Variants in PRKCE observed in about 807,000 individuals in gnomAD.
PRKCE encodes protein kinase C epsilon type.
In PRKCE, 16 loss-of-function variants were observed where a neutral mutation model predicts 85.4. The ratio of observed to expected loss-of-function variants is 0.19; its 90% CI spans 0.13 to 0.28. The LOEUF is 0.28. PRKCE is among the 10% of genes least tolerant of loss of function. The pLI, the probability that PRKCE is intolerant of heterozygous loss-of-function variation, is 1.00. For missense variants in PRKCE, 573 were observed against 975.2 expected (o/e 0.59, Z 5.49); for synonymous variants, 388 against 371.5 (o/e 1.04, Z -0.51).
At chr2:46,023,089 CAAAAAA>C (rs397984467) in intron 10 of PRKCE, among the ~76,000 whole-genome samples, 1 of 71,494 alleles carries the variant, frequency 1.4e-5, no homozygotes, top group Non-Finnish European at 2.5e-5. Flanking sequence ...GACTCCGTCT[CAAAAAA>C]AAAAAAAAAA....
chr2:45,684,048 G>T (rs1677100187), intron 1 of PRKCE, among the ~76,000 whole-genome samples: 1 of 152,172 alleles, frequency 6.6e-6, no homozygotes, highest in African/African-American at 2.4e-5. Flanking sequence ...GGTGTTTGCT[G>T]GTAGGAGGGA....
chr2:46,037,783 C>T (rs1471568747), intron 10 of PRKCE, among the ~76,000 whole-genome samples: 3 of 152,124 alleles, frequency 2.0e-5, no homozygotes, highest in Non-Finnish European at 4.4e-5. Context: ...CTTTGAGAGT[C>T]AGGAAGAAAG....
chr2:45,845,061 C>CTTTT lies in PRKCE; in HGVS notation c.412+2013_412+2016dup, dbSNP rs531961588. ...CTGAAGAAAAGAAGACATTTTTCTA[C>CTTTT]TTTTTTTTTTTTTTTTTTAAATTGC... On this transcript the variant is annotated intron_variant, in intron 2 of 14. Coordinates refer to ENST00000306156, the MANE Select transcript of PRKCE (RefSeq NM_005400.3). Among the ~76,000 whole-genome samples the CTTTT allele has an allele frequency of 1.1e-4, 15 of 137,376 alleles. 1 individual carries two copies. The East Asian group carries it at 2.9e-3, about 27-fold the overall frequency. 90.1% of individuals were successfully genotyped at this position (137,376 alleles called of 152,430 possible).
At chr2:46,010,103 A>G (rs1023084796) in intron 9 of PRKCE, among the ~76,000 whole-genome samples, 2 of 152,356 alleles carry the variant, frequency 1.3e-5, no homozygotes, top group East Asian at 1.9e-4. Context: ...AACATTATGT[A>G]TACATCTTGA....
At chr2:46,150,161 C>T (rs1012797276) in intron 12 of PRKCE, among the ~76,000 whole-genome samples, 1 of 152,146 alleles carries the variant, frequency 6.6e-6, no homozygotes, top group Admixed American at 6.5e-5. Context: ...GAAAAGATGT[C>T]TTGTATTCAG....
At chr2:45,874,450 C>T (rs1694323786) in intron 2 of PRKCE, among the ~76,000 whole-genome samples, 1 of 152,224 alleles carries the variant, frequency 6.6e-6, no homozygotes, top group South Asian at 2.1e-4. Context: ...AGTGAGCTGC[C>T]AGCTACCAAG....
intron 11 of PRKCE, among the ~76,000 whole-genome samples, chr2:46,106,530 C>G (rs564606066): frequency 3.5e-4 from 53 of 152,318 alleles, no homozygotes; most frequent in African/African-American, 1.2e-3. Flanking sequence ...GTTCTGGAGG[C>G]TGGATGTTCA....
At chr2:45,765,705 T>C (rs889205659) in intron 1 of PRKCE, among the ~76,000 whole-genome samples, 1 of 152,208 alleles carries the variant, frequency 6.6e-6, no homozygotes, top group East Asian at 1.9e-4. Flanking sequence ...AACTCTGGAC[T>C]GTTGACCCCC....
At chr2:45,985,040 G>A (rs1378208254) in intron 6 of PRKCE, among the ~76,000 whole-genome samples, 1 of 152,132 alleles carries the variant, frequency 6.6e-6, no homozygotes, top group African/African-American at 2.4e-5. Flanking sequence ...GGAAGTGAGA[G>A]GTGTGAATTG....
intron 10 of PRKCE, among the ~76,000 whole-genome samples, chr2:46,011,638 G>A (rs765702014): frequency 4.6e-5 from 7 of 152,138 alleles, no homozygotes; most frequent in Admixed American, 2.6e-4. Flanking sequence ...CACTGCAAAC[G>A]TAACCTCTCT....
chr2:45,733,181 C>G (rs1280297084), intron 1 of PRKCE, among the ~76,000 whole-genome samples: 1 of 152,234 alleles, frequency 6.6e-6, no homozygotes, highest in Non-Finnish European at 1.5e-5. Context: ...AGGTATCAGA[C>G]TGACTGCATG....
chr2:45,759,364 C>T (rs763993313), intron 1 of PRKCE, among the ~76,000 whole-genome samples: 1 of 152,142 alleles, frequency 6.6e-6, no homozygotes, highest in Non-Finnish European at 1.5e-5. Flanking sequence ...AGCTGACACA[C>T]GTGTGAGAGG....
At position 46,038,651 on chromosome 2, in the gene PRKCE, TCACACACACACACACA is replaced by T. The variant is rs3222422; in HGVS notation, c.1437+28171_1437+28186del. On this transcript the variant is annotated intron_variant, in intron 10 of 14. Transcript: ENST00000306156. The stretch of plus-strand genomic sequence containing the variant: ...ATGGAATTAAGGCATAGTAACAACT[TCACACACACACACACA>T]CACACACACACACACACACACACAC... Among the ~76,000 whole-genome samples, 137 of 128,726 alleles carry T rather than the reference TCACACACACACACACA, an allele frequency of 1.1e-3. 1 individual carries two copies. The Middle Eastern group carries it at 0.015, about 14-fold the overall frequency. The allele number at this position is 128,726 out of a possible 152,430, so 84.4% of individuals were successfully genotyped here. A position where few individuals can be genotyped will look rare whatever the true frequency, so the allele number is the denominator to read the frequency against.
rs187933994 is a variant in PRKCE at position 45,786,771 on chromosome 2, A to G, written c.349-56229A>G. Among the ~76,000 whole-genome samples the G allele has an allele frequency of 1.7e-3, 259 of 152,302 alleles. 4 individuals carry two copies. Among genetic ancestry groups the G allele is most frequent in the African/African-American group, 5.8e-3 (243 of 41,576 alleles). ...CAGCCTCTTGGCCACCTAATCCTCC[A>G]ACAGTTCAGTGAGGTAACCACTACC... On this transcript the variant is annotated intron_variant, in intron 1 of 14. Transcript: ENST00000306156. This position sits in a 1 kb window ranked among gnomAD's most constrained non-coding sequence, Gnocchi z 5.3.
At chr2:45,830,241 C>CA (rs1486467070) in intron 1 of PRKCE, among the ~76,000 whole-genome samples, 2 of 151,816 alleles carry the variant, frequency 1.3e-5, no homozygotes, top group African/African-American at 4.8e-5. Context: ...AACCCTATGG[C>CA]ACATGGGGCT....
intron 10 of PRKCE, among the ~76,000 whole-genome samples, chr2:46,034,972 G>A (rs937934185): frequency 6.6e-6 from 1 of 152,192 alleles, no homozygotes; most frequent in East Asian, 1.9e-4. Flanking sequence ...GTACATCTTG[G>A]TTCTGGGAAG....
At chr2:45,887,542 C>T (rs1335806244) in intron 2 of PRKCE, among the ~76,000 whole-genome samples, 1 of 152,044 alleles carries the variant, frequency 6.6e-6, no homozygotes, top group Non-Finnish European at 1.5e-5. Context: ...AGAACTAGAC[C>T]ACCAAGAAAG....
chr2:46,033,619 C>T (rs1707677672), intron 10 of PRKCE, among the ~76,000 whole-genome samples: 1 of 152,178 alleles, frequency 6.6e-6, no homozygotes, highest in Admixed American at 6.5e-5. Context: ...AGAGAGTTGA[C>T]TTTAGAATCA....
chr2:45,726,691 A>G (rs1000116138), intron 1 of PRKCE, among the ~76,000 whole-genome samples: 1 of 152,178 alleles, frequency 6.6e-6, no homozygotes, highest in Non-Finnish European at 1.5e-5. Context: ...GTATACCTGT[A>G]CTTTTGATTC....
Sources: gnomAD v4.1 joint callset for allele counts (sites outside exome capture counted in the v4.1 genomes callset) on GRCh38, gnomAD v4.1.1 for gene constraint, Gnocchi (gnomAD v3.1) non-coding constraint, MANE v1.5 for transcripts, NCBI Gene and HGNC (gene_info 2026-07-23, HGNC 2026-07-21) for gene names.